Variants in CDK14 observed in about 807,000 individuals in gnomAD.
CDK14 encodes cyclin-dependent kinase 14.
In CDK14, 34 loss-of-function variants were observed where a neutral mutation model predicts 60.7. The observed-to-expected ratio is 0.56, with a 90% CI of 0.43 to 0.75. CDK14 has a LOEUF of 0.75. Ranked by LOEUF, CDK14 falls within the 30% of genes least tolerant of loss-of-function variation. CDK14 has a pLI of 0.00. For synonymous variants in CDK14, 197 were observed against 203.7 expected (o/e 0.97, Z 0.28); for missense variants, 482 against 564.1 (o/e 0.85, Z 1.47).
At chr7:90,673,125 A>G (rs1170334318) in intron 2 of CDK14, among the ~76,000 whole-genome samples, 1 of 152,224 alleles carries the variant, frequency 6.6e-6, no homozygotes, top group Non-Finnish European at 1.5e-5. Flanking sequence ...GAATTATTAA[A>G]TTAGTTTCCT....
At chr7:90,899,427 T>G in intron 7 of CDK14, 74 bp downstream of exon 7, 160 of 1,084,598 alleles carry the variant, frequency 1.5e-4, no homozygotes, top group Middle Eastern at 2.1e-4. Context: ...CTAGCATCTC[T>G]ACCATAACAT....
intron 12 of CDK14, among the ~76,000 whole-genome samples, chr7:91,085,349 A>G (rs1296819417): frequency 1.3e-5 from 2 of 151,992 alleles, no homozygotes; most frequent in African/African-American, 2.4e-5. Context: ...CACCCGCTCA[A>G]CGCCTCCTGC....
At chr7:90,667,726 C>T (rs992435521) in intron 2 of CDK14, among the ~76,000 whole-genome samples, 4 of 152,058 alleles carry the variant, frequency 2.6e-5, no homozygotes, top group African/African-American at 9.7e-5. Flanking sequence ...CCTGCCACCA[C>T]GCCCGGCTAA....
At chr7:90,874,969 A>G (rs1248275897) in intron 6 of CDK14, among the ~76,000 whole-genome samples, 1 of 152,130 alleles carries the variant, frequency 6.6e-6, no homozygotes, top group African/African-American at 2.4e-5. Context: ...ACCTAATTTT[A>G]CAATTCATTA....
At chr7:90,649,560 A>G (rs1800581008) in intron 2 of CDK14, among the ~76,000 whole-genome samples, 1 of 150,148 alleles carries the variant, frequency 6.7e-6, no homozygotes, top group African/African-American at 2.5e-5. Flanking sequence ...TGCTGCATCC[A>G]TTAACTCGTC....
At chr7:90,643,489 A>G (rs1009393927) in intron 2 of CDK14, among the ~76,000 whole-genome samples, 1 of 152,100 alleles carries the variant, frequency 6.6e-6, no homozygotes, top group African/African-American at 2.4e-5. Flanking sequence ...CCATATGGAA[A>G]TTTCTTAATT....
At chr7:90,772,388 G>C (rs1348117441) in intron 4 of CDK14, among the ~76,000 whole-genome samples, 1 of 152,218 alleles carries the variant, frequency 6.6e-6, no homozygotes, top group African/African-American at 2.4e-5. Context: ...ATTGGAACTT[G>C]AGGCTTCCTG....
chr7:90,726,952 AAG>A (rs1158089900), intron 3 of CDK14, 140 bp downstream of exon 3: 1 of 950,996 alleles, frequency 1.1e-6, no homozygotes. Context: ...AATGTTTTGG[AAG>A]AGAGAGAGCA....
intron 9 of CDK14, among the ~76,000 whole-genome samples, chr7:90,978,655 A>G (rs1029744640): frequency 1.3e-5 from 2 of 152,280 alleles, no homozygotes; most frequent in Admixed American, 1.3e-4. Context: ...CTATTTTGGG[A>G]AAAAGTTAGA....
At chr7:90,726,415 T>A in intron 2 of CDK14, 152 bp from the exon 3 acceptor site, 1 of 1,225,472 alleles carries the variant, frequency 8.2e-7, no homozygotes, top group Non-Finnish European at 1.1e-6. Context: ...TTTTTTGTAC[T>A]GTAATTTATG....
At chr7:90,962,936 C>G (rs1794643442) in intron 9 of CDK14, among the ~76,000 whole-genome samples, 3 of 152,132 alleles carry the variant, frequency 2.0e-5, no homozygotes, top group Non-Finnish European at 4.4e-5. Context: ...ATCAGCCAAG[C>G]TAAATATACT....
intron 8 of CDK14, among the ~76,000 whole-genome samples, chr7:90,923,196 G>A (rs1335195983): frequency 4.8e-5 from 7 of 144,968 alleles, no homozygotes; most frequent in East Asian, 2.1e-4. Context: ...TGCAAGCTCC[G>A]CCTCCCGGGT....
chr7:91,060,393 C>T (rs1225570917), intron 11 of CDK14, among the ~76,000 whole-genome samples: 1 of 152,076 alleles, frequency 6.6e-6, no homozygotes, highest in African/African-American at 2.4e-5. Context: ...GCATCTAGCC[C>T]ATTTACATTT....
At chr7:90,995,256 G>T (rs2115716534) in intron 10 of CDK14, among the ~76,000 whole-genome samples, 1 of 152,306 alleles carries the variant, frequency 6.6e-6, no homozygotes, top group East Asian at 1.9e-4. Flanking sequence ...CTGAGGAGGG[G>T]CCCTCATATC....
intron 3 of CDK14, among the ~76,000 whole-genome samples, chr7:90,734,697 G>A (rs1282979508): frequency 3.3e-5 from 5 of 152,050 alleles, no homozygotes; most frequent in South Asian, 2.1e-4. Context: ...GGTTATTCTA[G>A]TTAGCAGTTC....
At chr7:90,975,023 G>A (rs1030961004) in intron 9 of CDK14, among the ~76,000 whole-genome samples, 1 of 152,124 alleles carries the variant, frequency 6.6e-6, no homozygotes, top group East Asian at 1.9e-4. Flanking sequence ...AAAGGTAATG[G>A]TGGCTAATAC....
chr7:90,977,386 G>A (rs1342265352), intron 9 of CDK14, among the ~76,000 whole-genome samples: 1 of 152,076 alleles, frequency 6.6e-6, no homozygotes, highest in African/African-American at 2.4e-5. Flanking sequence ...TAAAATTGGG[G>A]GTTTATATAA....
intron 6 of CDK14, among the ~76,000 whole-genome samples, chr7:90,870,857 G>A (rs768198796): frequency 2.6e-5 from 4 of 152,126 alleles, no homozygotes; most frequent in Non-Finnish European, 5.9e-5. Flanking sequence ...AGACATTAGG[G>A]TCTAATGATC....
intron 6 of CDK14, among the ~76,000 whole-genome samples, chr7:90,893,666 A>T (rs1419789019): frequency 6.6e-6 from 1 of 152,248 alleles, no homozygotes; most frequent in East Asian, 1.9e-4. Context: ...TGAAATTTGT[A>T]ATTCAGGCAC....
Sources: gnomAD v4.1 joint callset for allele counts (sites outside exome capture counted in the v4.1 genomes callset) on GRCh38, gnomAD v4.1.1 for gene constraint, MANE v1.5 for transcripts, NCBI Gene and HGNC (gene_info 2026-07-23, HGNC 2026-07-21) for gene names.